The following EPM2A variants were observed in gnomAD, a reference collection of about 807,000 sequenced individuals.
The protein encoded by EPM2A is laforin.
In EPM2A, 21 loss-of-function variants were observed where a neutral mutation model predicts 26.5. The observed-to-expected ratio is 0.79, with a 90% confidence interval of 0.56 to 1.14. The LOEUF (loss-of-function observed/expected upper bound fraction) is 1.14. EPM2A is among the 50% of genes most tolerant of loss of function. EPM2A has a pLI of 0.00. For missense variants in EPM2A, 458 were observed against 440.8 expected (o/e 1.04, Z -0.35); for synonymous variants, 217 against 177.6 (o/e 1.22, Z -1.76).
chr6:145,518,462 C>T (rs948022125), intron 2 of EPM2A, among the ~76,000 whole-genome samples: 30 of 152,066 alleles, frequency 2.0e-4, no homozygotes, highest in Non-Finnish European at 1.6e-4. Flanking sequence ...CACTCCAGTA[C>T]AGCAGATGTG....
intron 4 of EPM2A, among the ~76,000 whole-genome samples, chr6:145,434,417 T>C (rs1424790620): frequency 6.6e-6 from 1 of 152,084 alleles, no homozygotes; most frequent in Non-Finnish European, 1.5e-5. Context: ...TTAAACCCTA[T>C]ATCAAATTCT....
chr6:145,401,964 G>A (rs571876964), intron 4 of EPM2A, among the ~76,000 whole-genome samples: 7 of 152,012 alleles, frequency 4.6e-5, no homozygotes, highest in Non-Finnish European at 7.4e-5. Flanking sequence ...AAGCCATCTC[G>A]TACATAATTA....
chr6:145,560,932 A>G (rs1041052958), intron 2 of EPM2A, among the ~76,000 whole-genome samples: 3 of 152,064 alleles, frequency 2.0e-5, no homozygotes, highest in African/African-American at 7.2e-5. Flanking sequence ...AAATGTTTCT[A>G]TTGTTACCAT....
Position 145,553,827 on chromosome 6 carries a change from T to TTA in EPM2A, c.341-51254_341-51253dup, listed in dbSNP as rs1248186136. On this transcript the variant is annotated intron_variant, in intron 2 of 3. Transcript: ENST00000450221. ...TATATTATTATATTTAGTATATATA[T>TTA]TATATATATAGTAATATATATGTAT... 3.1e-4 allele frequency among the ~76,000 whole-genome samples: 46 copies of TTA among 147,638 alleles called. 2 individuals are homozygous for TTA. In the South Asian group the frequency reaches 9.1e-3, roughly 29 times the overall value.
At chr6:145,705,420 G>A in intron 1 of EPM2A, 1 of 367,256 alleles carries the variant, frequency 2.7e-6, no homozygotes, top group Non-Finnish European at 5.4e-6. Flanking sequence ...GGGCATGGTG[G>A]CGCACACACC....
intron 2 of EPM2A, among the ~76,000 whole-genome samples, chr6:145,584,537 C>T (rs1011429581): frequency 2.6e-5 from 4 of 152,160 alleles, no homozygotes; most frequent in Admixed American, 6.5e-5. Flanking sequence ...TATGCCAAAA[C>T]CTCTGGGCTC....
chr6:145,650,045 G>C (rs1310008221), intron 2 of EPM2A, among the ~76,000 whole-genome samples: 3 of 152,144 alleles, frequency 2.0e-5, no homozygotes, highest in Admixed American at 1.3e-4. Flanking sequence ...AGTATCTATG[G>C]GGGTGGAGGC....
chr6:145,519,465 C>G (rs1780174931), intron 2 of EPM2A, among the ~76,000 whole-genome samples: 1 of 152,078 alleles, frequency 6.6e-6, no homozygotes, highest in African/African-American at 2.4e-5. Context: ...TAATGGAATC[C>G]CCCCTCCAAC....
intron 2 of EPM2A, among the ~76,000 whole-genome samples, chr6:145,648,142 G>T (rs1026225634): frequency 1.2e-4 from 18 of 152,096 alleles, no homozygotes; most frequent in African/African-American, 4.1e-4. Flanking sequence ...CTTCTTTAAA[G>T]TCTTCTGTTA....
intron 4 of EPM2A, among the ~76,000 whole-genome samples, chr6:145,461,689 C>T (rs1779330325): frequency 6.6e-6 from 1 of 151,448 alleles, no homozygotes; most frequent in Non-Finnish European, 1.5e-5. Flanking sequence ...TCTGAAAAGA[C>T]CAACAGAAGA....
intron 4 of EPM2A, among the ~76,000 whole-genome samples, chr6:145,395,634 T>C (rs1562318991): frequency 6.6e-6 from 1 of 152,104 alleles, no homozygotes; most frequent in Non-Finnish European, 1.5e-5. Flanking sequence ...AAGACACTTT[T>C]CTCCTCCTCT....
chr6:145,616,152 ATGGGCCAGGCCCAG>A (rs1301621983), intron 2 of EPM2A, among the ~76,000 whole-genome samples: 2 of 152,208 alleles, frequency 1.3e-5, no homozygotes, highest in Non-Finnish European at 2.9e-5. Flanking sequence ...AAGTGGTTTC[ATGGGCCAGGCCCAG>A]GATCCCCATG....
chr6:145,385,464 C>T (rs1469830852), intron 4 of EPM2A, among the ~76,000 whole-genome samples: 1 of 152,086 alleles, frequency 6.6e-6, no homozygotes, highest in Admixed American at 6.5e-5. Context: ...ATAAATTAAA[C>T]TCCCAGTTTT....
intron 4 of EPM2A, among the ~76,000 whole-genome samples, chr6:145,469,519 A>T (rs1779445660): frequency 6.6e-6 from 1 of 152,162 alleles, no homozygotes; most frequent in South Asian, 2.1e-4. Context: ...AAAGACAGGG[A>T]ATAACAAATG....
At chr6:145,701,056 A>G (rs2128625215) in intron 1 of EPM2A, among the ~76,000 whole-genome samples, 1 of 152,382 alleles carries the variant, frequency 6.6e-6, no homozygotes, top group African/African-American at 2.4e-5. Context: ...TAAAGATGAA[A>G]TTGAGAAACT....
At chr6:145,732,411 CATATATAT>C (rs759887054) in intron 1 of EPM2A, among the ~76,000 whole-genome samples, 1 of 56,292 alleles carries the variant, frequency 1.8e-5, no homozygotes, top group Non-Finnish European at 4.4e-5. Flanking sequence ...CACACACACA[CATATATAT>C]ATATATATAT....
In EPM2A at chr6:145,688,455, G is replaced by C. The variant is rs1031222642; in HGVS notation, c.302-2159C>G. Among the ~76,000 whole-genome samples, 14 of 152,272 alleles carry C rather than the reference G, an allele frequency of 9.2e-5. No homozygotes were observed. The East Asian group carries it at 2.5e-3, about 27-fold the overall frequency. ...AATATACAGTGGCACTATTCACTGA[G>C]ATGCAAAATCTGAAAGAGGCTGTAA... On this transcript the variant is annotated intron_variant, in intron 1 of 3. Coordinates refer to ENST00000367519, the MANE Select transcript of EPM2A (RefSeq NM_005670.4).
intron 4 of EPM2A, among the ~76,000 whole-genome samples, chr6:145,422,928 A>C (rs1162905093): frequency 6.6e-6 from 1 of 152,048 alleles, no homozygotes; most frequent in East Asian, 1.9e-4. Context: ...TTTACCCTAA[A>C]ATATTTAGCC....
At chr6:145,698,104 T>C (rs1410411740) in intron 1 of EPM2A, among the ~76,000 whole-genome samples, 1 of 152,196 alleles carries the variant, frequency 6.6e-6, no homozygotes. Context: ...CATGAAATCT[T>C]CACAATCCAC....
Sources: gnomAD v4.1 joint callset for allele counts (sites outside exome capture counted in the v4.1 genomes callset) on GRCh38, gnomAD v4.1.1 for gene constraint, MANE v1.5 for transcripts, NCBI Gene and HGNC (gene_info 2026-07-23, HGNC 2026-07-21) for gene names.